DCT: variants seen among roughly 807,000 people sequenced by gnomAD.
The protein encoded by DCT is dopachrome tautomerase.
A neutral mutation model predicts 53.0 loss-of-function variants in DCT; 47 were observed. The ratio of observed to expected loss-of-function variants is 0.89; its 90% confidence interval spans 0.70 to 1.13. The LOEUF (loss-of-function observed/expected upper bound fraction) is 1.13, where lower values mean the gene tolerates loss of function less well. DCT is among the 50% of genes most tolerant of loss of function. The pLI, the probability that DCT is intolerant of heterozygous loss-of-function variation, is 0.00. For missense variants in DCT, 669 were observed against 637.4 expected, an observed-to-expected ratio of 1.05 and a Z score of -0.53; for synonymous variants, 244 against 237.0, an observed-to-expected ratio of 1.03 and a Z score of -0.27.
chr13:94,501,396 T>C, the DCT span, among the ~76,000 whole-genome samples: 1 of 152,188 alleles, frequency 6.6e-6, no homozygotes, highest in African/African-American at 2.4e-5. Context: ...CTGATCAGGC[T>C]GTCGGAAAAA....
intron 6 of DCT, among the ~76,000 whole-genome samples, chr13:94,445,231 C>T (rs1319467886): frequency 6.6e-6 from 1 of 152,196 alleles, no homozygotes; most frequent in Non-Finnish European, 1.5e-5. Context: ...CTTCATCTGG[C>T]CTTCCCTTGA....
intron 1 of DCT, among the ~76,000 whole-genome samples, chr13:94,475,647 A>C (rs1885023186): frequency 6.6e-6 from 1 of 152,230 alleles, no homozygotes; most frequent in South Asian, 2.1e-4. Flanking sequence ...AAAATGTGTT[A>C]AGAGGGCAGA....
the DCT span, among the ~76,000 whole-genome samples, chr13:94,489,472 T>C: frequency 1.3e-5 from 2 of 152,188 alleles, no homozygotes; most frequent in African/African-American, 4.8e-5. Flanking sequence ...TAAAGCATAA[T>C]TTTAAGGATT....
At position 94,465,557 on chromosome 13, in the gene DCT, A is replaced by G. The variant is rs1218111888; in HGVS notation, c.863+76T>C. 3.6e-6 allele frequency: 5 copies of G among 1,395,554 alleles called. No homozygotes were observed. In the African/African-American group the frequency reaches 5.7e-5, roughly 16 times the overall value. The allele number at this position is 1,395,554 out of a possible 1,614,324, so 86.4% of individuals were successfully genotyped here. A position where few individuals can be genotyped will look rare whatever the true frequency, so the allele number is the denominator to read the frequency against. On this transcript the variant is annotated intron_variant, in intron 4 of 7. Transcript: ENST00000377028. ...CACATGCATAAGAAACAGCACTATAAAGTGACTTCTCCTCCATGTCTCAGA... is the reference window on the plus strand; with the variant it reads ...CACATGCATAAGAAACAGCACTATAGAGTGACTTCTCCTCCATGTCTCAGA...
At chr13:94,489,956 C>T in the DCT span, among the ~76,000 whole-genome samples, 5 of 152,202 alleles carry the variant, frequency 3.3e-5, no homozygotes, top group Admixed American at 6.5e-5. Context: ...TGATGATACG[C>T]TATGTTTACA....
intron 2 of DCT, 152 bp from the exon 3 acceptor site, chr13:94,466,810 C>T (rs1162555552): frequency 4.7e-6 from 2 of 425,870 alleles, no homozygotes; most frequent in Non-Finnish European, 8.5e-6. Context: ...TCTCCAAAAG[C>T]AATAGTAATG....
chr13:94,495,312 G>A, the DCT span, among the ~76,000 whole-genome samples: 1 of 152,158 alleles, frequency 6.6e-6, no homozygotes, highest in Non-Finnish European at 1.5e-5. Context: ...GCCTGGGCTG[G>A]TTTCGAACTC....
chr13:94,477,389 A>T (rs147717355), intron 1 of DCT, among the ~76,000 whole-genome samples: 1 of 152,082 alleles, frequency 6.6e-6, no homozygotes, highest in Non-Finnish European at 1.5e-5. Flanking sequence ...GAGCCACTGC[A>T]CCAGGCCTAA....
chr13:94,534,223 C>A, the DCT span, among the ~76,000 whole-genome samples: 473 of 152,192 alleles, frequency 3.1e-3, 2 homozygotes, highest in African/African-American at 0.011. Context: ...TTGTGTCCAA[C>A]TCTCTCTCTT....
chr13:94,545,329 C>T, the DCT span, among the ~76,000 whole-genome samples: 2 of 152,048 alleles, frequency 1.3e-5, no homozygotes, highest in Admixed American at 6.6e-5. Context: ...AGGAAACCAG[C>T]CCCTTATCTA....
At chr13:94,478,484 AAGAG>A (rs765869772) in intron 1 of DCT, among the ~76,000 whole-genome samples, 5 of 152,004 alleles carry the variant, frequency 3.3e-5, no homozygotes, top group East Asian at 1.9e-4. Flanking sequence ...CTCCAAAAAA[AAGAG>A]AGAGAGAGAG....
chr13:94,449,638 A>C (rs578114167), intron 6 of DCT, among the ~76,000 whole-genome samples: 29 of 152,344 alleles, frequency 1.9e-4, no homozygotes, highest in African/African-American at 6.5e-4. Context: ...TTAAAACTTA[A>C]AGTAGAAGGT....
At chr13:94,474,647 C>A (rs1255468723) in intron 1 of DCT, among the ~76,000 whole-genome samples, 2 of 152,204 alleles carry the variant, frequency 1.3e-5, no homozygotes, top group Non-Finnish European at 2.9e-5. Context: ...ATAAAGCCAA[C>A]TGGCAGGTAA....
intron 2 of DCT, chr13:94,467,713 C>T (rs1005208637): frequency 3.3e-5 from 5 of 152,144 alleles, no homozygotes; most frequent in Admixed American, 2.0e-4. Context: ...TCTCAGAACC[C>T]AACAACGAGA....
In DCT at chr13:94,439,902, GCTT is replaced by G. The variant is rs1192479994; in HGVS notation, c.1553_1555del (p.Glu518del). 11 of 1,612,882 alleles carry G rather than the reference GCTT, an allele frequency of 6.8e-6. No homozygotes were observed. Among genetic ancestry groups the G allele is most frequent in the Admixed American group, 3.3e-5 (2 of 59,860 alleles). On this transcript the variant is annotated inframe_deletion, in exon 8 of 8. Transcript: ENST00000377028. ...CTTAGGTAAGGCATGAGCACCCTAG[GCTT>G]CTTCTGTGTATCTCTTGCTGCTTAA...
At chr13:94,473,485 G>A (rs930273394) in intron 1 of DCT, among the ~76,000 whole-genome samples, 2 of 152,146 alleles carry the variant, frequency 1.3e-5, no homozygotes, top group Non-Finnish European at 2.9e-5. Flanking sequence ...TCATAAGTCA[G>A]GGAGCATCTG....
upstream of DCT, among the ~76,000 whole-genome samples, chr13:94,482,082 G>A (rs927545193): frequency 6.6e-6 from 1 of 152,200 alleles, no homozygotes; most frequent in Admixed American, 6.5e-5. Context: ...ATAACATTCA[G>A]GCATACGATC....
the DCT span, among the ~76,000 whole-genome samples, chr13:94,547,658 G>A: frequency 2.0e-5 from 3 of 151,892 alleles, no homozygotes; most frequent in African/African-American, 4.8e-5. Context: ...CTTTAGAAAT[G>A]TGATAGCTGG....
At chr13:94,494,240 C>A in the DCT span, among the ~76,000 whole-genome samples, 1 of 152,130 alleles carries the variant, frequency 6.6e-6, no homozygotes, top group Non-Finnish European at 1.5e-5. Flanking sequence ...TGTGCTTGGC[C>A]TCCCCGATCC....
Sources: allele counts gnomAD v4.1 joint callset (sites outside exome capture counted in the v4.1 genomes callset), GRCh38; gene constraint gnomAD v4.1.1; transcripts MANE v1.5; gene names NCBI Gene and HGNC (gene_info 2026-07-23, HGNC 2026-07-21).